ADGRL3: variants seen among roughly 807,000 people sequenced by gnomAD.
ADGRL3 encodes adhesion G protein-coupled receptor L3.
ADGRL3 carries 62 observed loss-of-function variants against 153.5 expected under a neutral mutation model. That is an observed-to-expected ratio of 0.40 (90% CI 0.33 to 0.50). The LOEUF (loss-of-function observed/expected upper bound fraction) is 0.50, where lower values mean the gene tolerates loss of function less well. Ranked by LOEUF, ADGRL3 falls within the 20% of genes least tolerant of loss-of-function variation. The pLI is 0.47. For missense variants in ADGRL3, 1,641 were observed against 1,859.4 expected (o/e 0.88, Z 2.16); for synonymous variants, 710 against 672.5 (o/e 1.06, Z -0.86).
chr4:61,362,481 A>G (rs2096302197), intron 1 of ADGRL3, among the ~76,000 whole-genome samples: 2 of 151,976 alleles, frequency 1.3e-5, no homozygotes, highest in Admixed American at 6.6e-5. Flanking sequence ...AAACTTAACT[A>G]CCGATAGACT....
intron 2 of ADGRL3, among the ~76,000 whole-genome samples, chr4:61,442,596 T>G (rs944615056): frequency 6.6e-6 from 1 of 151,594 alleles, no homozygotes; most frequent in Non-Finnish European, 1.5e-5. Flanking sequence ...TTATGAGGAG[T>G]AGAAGAAAAT....
At chr4:61,713,743 A>G (rs1483675271) in intron 6 of ADGRL3, among the ~76,000 whole-genome samples, 3 of 152,106 alleles carry the variant, frequency 2.0e-5, no homozygotes, top group African/African-American at 4.8e-5. Context: ...TGTAGAAAGT[A>G]TTTTATTTAA....
intron 5 of ADGRL3, among the ~76,000 whole-genome samples, chr4:61,633,079 A>C (rs1451505396): frequency 6.6e-6 from 1 of 152,180 alleles, no homozygotes; most frequent in Non-Finnish European, 1.5e-5. Flanking sequence ...CTATGTAATG[A>C]AGGAGTAAAC....
At chr4:61,765,404 A>G (rs1204806562) in intron 8 of ADGRL3, among the ~76,000 whole-genome samples, 1 of 151,794 alleles carries the variant, frequency 6.6e-6, no homozygotes, top group Non-Finnish European at 1.5e-5. Context: ...GAGAAGGGAA[A>G]GTGGTAAAAG....
At chr4:61,573,128 A>G (rs956901477) in intron 4 of ADGRL3, among the ~76,000 whole-genome samples, 1 of 152,018 alleles carries the variant, frequency 6.6e-6, no homozygotes, top group Non-Finnish European at 1.5e-5. Flanking sequence ...TGCTAAGCAT[A>G]GTGTAAGGTA....
chr4:61,233,981 G>A (rs1751808801), intron 1 of ADGRL3, among the ~76,000 whole-genome samples: 1 of 152,072 alleles, frequency 6.6e-6, no homozygotes, highest in Admixed American at 6.6e-5. Flanking sequence ...GGTCTTAGAA[G>A]ATTATGAAAA....
intron 9 of ADGRL3, among the ~76,000 whole-genome samples, chr4:61,872,954 C>A (rs1254731709): frequency 1.3e-5 from 2 of 152,086 alleles, no homozygotes; most frequent in East Asian, 1.9e-4. Context: ...TCTTTCAGTT[C>A]TTTGTTTAAA....
chr4:61,785,231 G>T (rs2097263386), intron 8 of ADGRL3, among the ~76,000 whole-genome samples: 1 of 152,156 alleles, frequency 6.6e-6, no homozygotes, highest in African/African-American at 2.4e-5. Context: ...CCTAAAAGGA[G>T]CATGATCAAG....
intron 2 of ADGRL3, among the ~76,000 whole-genome samples, chr4:61,434,602 A>G (rs768485913): frequency 2.2e-5 from 3 of 135,918 alleles, no homozygotes; most frequent in Non-Finnish European, 4.9e-5. Context: ...TGCTTGCTTA[A>G]TGATTACTCC....
chr4:61,395,292 C>A (rs576774769), intron 2 of ADGRL3, among the ~76,000 whole-genome samples: 9 of 151,954 alleles, frequency 5.9e-5, no homozygotes, highest in Non-Finnish European at 1.3e-4. Flanking sequence ...ATGATAACAC[C>A]TTTGAAAAGA....
chr4:61,603,268 G>A (rs956944359), intron 5 of ADGRL3, among the ~76,000 whole-genome samples: 2 of 152,108 alleles, frequency 1.3e-5, no homozygotes, highest in Admixed American at 1.3e-4. Flanking sequence ...GAAATAACCA[G>A]CACAGTGGGT....
At chr4:61,823,834 G>A (rs777247046) in intron 9 of ADGRL3, among the ~76,000 whole-genome samples, 53 of 152,082 alleles carry the variant, frequency 3.5e-4, no homozygotes, top group African/African-American at 1.2e-3. Flanking sequence ...GGATGAGGGG[G>A]GTGGTTCACG....
intron 25 of ADGRL3, among the ~76,000 whole-genome samples, chr4:62,051,395 T>C (rs1734133175): frequency 6.6e-6 from 1 of 151,464 alleles, no homozygotes; most frequent in Non-Finnish European, 1.5e-5. Context: ...AGCCAAATAA[T>C]TTTCAGAGTT....
chr4:61,749,225 G>A (rs1440746114), intron 8 of ADGRL3, among the ~76,000 whole-genome samples: 1 of 151,936 alleles, frequency 6.6e-6, no homozygotes, highest in Non-Finnish European at 1.5e-5. Flanking sequence ...TGCTGGAGAG[G>A]ATGTGGAGAA....
At chr4:61,255,635 A>G (rs1256190319) in intron 1 of ADGRL3, among the ~76,000 whole-genome samples, 1 of 152,142 alleles carries the variant, frequency 6.6e-6, no homozygotes, top group Non-Finnish European at 1.5e-5. Flanking sequence ...ACGAAATTCC[A>G]TTATTATTAT....
chr4:61,856,600 CTCTCTTTTTTTTTTT>C (rs1443878772), intron 9 of ADGRL3, among the ~76,000 whole-genome samples: 12 of 23,492 alleles, frequency 5.1e-4, no homozygotes, highest in African/African-American at 9.9e-4. Flanking sequence ...CTCTCTCTCT[CTCTCTTTTTTTTTTT>C]TTTTTTTTTT....
chr4:61,603,306 G>T (rs975873293), intron 5 of ADGRL3, among the ~76,000 whole-genome samples: 4 of 152,076 alleles, frequency 2.6e-5, no homozygotes, highest in Admixed American at 6.6e-5. Context: ...AACTTAGCGG[G>T]CTAAATTCTG....
intron 9 of ADGRL3, among the ~76,000 whole-genome samples, chr4:61,838,364 T>C (rs935734417): frequency 6.6e-6 from 1 of 152,188 alleles, no homozygotes; most frequent in Non-Finnish European, 1.5e-5. Context: ...AACCTAGCTC[T>C]ATAAAAAGGA....
intron 2 of ADGRL3, among the ~76,000 whole-genome samples, chr4:61,453,905 C>T (rs2097704489): frequency 6.6e-6 from 1 of 151,796 alleles, no homozygotes; most frequent in African/African-American, 2.4e-5. Context: ...TGAGAGTTGC[C>T]TAAGTACCTG....
Sources: allele counts gnomAD v4.1 joint callset (sites outside exome capture counted in the v4.1 genomes callset), GRCh38; gene constraint gnomAD v4.1.1; transcripts MANE v1.5; gene names NCBI Gene and HGNC (gene_info 2026-07-23, HGNC 2026-07-21).